ADAMTS3: variants seen among roughly 807,000 people sequenced by gnomAD.
The protein encoded by ADAMTS3 is A disintegrin and metalloproteinase with thrombospondin motifs 3.
Under a neutral mutation model 129.0 loss-of-function variants are expected in ADAMTS3, and 73 were observed. The ratio of observed to expected loss-of-function variants is 0.57; its 90% confidence interval spans 0.47 to 0.69. The LOEUF (loss-of-function observed/expected upper bound fraction) is 0.69. ADAMTS3 is among the 30% of genes least tolerant of loss of function. ADAMTS3 has a pLI of 0.00. For missense variants in ADAMTS3, 1,457 were observed against 1,514.5 expected (o/e 0.96, Z 0.63); for synonymous variants, 477 against 510.8 (o/e 0.93, Z 0.89).
intron 3 of ADAMTS3, among the ~76,000 whole-genome samples, chr4:72,431,457 C>T (rs1276161700): frequency 6.6e-6 from 1 of 151,934 alleles, no homozygotes; most frequent in African/African-American, 2.4e-5. Context: ...TGACATGATG[C>T]CACAAGTAAA....
intron 3 of ADAMTS3, among the ~76,000 whole-genome samples, chr4:72,417,932 C>CA (rs71215429): frequency 2.8e-4 from 34 of 120,290 alleles, no homozygotes; most frequent in South Asian, 8.4e-4. Context: ...GACTCCATCT[C>CA]AAAAAAAAAA....
rs537932546 is a variant in ADAMTS3, at chr4:72,305,623, ATG to A, written c.2260+362_2260+363del. On this transcript the variant is annotated intron_variant, in intron 16 of 21. Coordinates refer to ENST00000286657, the MANE Select transcript of ADAMTS3 (RefSeq NM_014243.3). ...ACAAAATTAAAGCTCTACTTTTTTT[ATG>A]TTTCTTGTTTTAAAGTAAGCATAGT... 1.1e-3 allele frequency among the ~76,000 whole-genome samples: 165 copies of A among 151,998 alleles called. 1 individual carries two copies. Among genetic ancestry groups the A allele is most frequent in the African/African-American group, 3.9e-3 (160 of 41,558 alleles).
chr4:72,384,679 T>C (rs1215449836), intron 4 of ADAMTS3, among the ~76,000 whole-genome samples: 3 of 152,158 alleles, frequency 2.0e-5, no homozygotes, highest in African/African-American at 7.2e-5. Flanking sequence ...AGAAAGTTAT[T>C]TGGGCTGAAG....
chr4:72,568,993 A>T lies in ADAMTS3; in HGVS notation c.-231T>A. ...TTCACCTTCTCACCCCGTCCTCCCAACACAGAGTGTGCAGGAGCGAGAAGG... is the reference window on the plus strand; with the variant it reads ...TTCACCTTCTCACCCCGTCCTCCCATCACAGAGTGTGCAGGAGCGAGAAGG... On this transcript the variant is annotated 5_prime_UTR_variant, in exon 1 of 22. In the 5' UTR this introduces an upstream ATG that the reference lacks. Transcript: ENST00000286657. 3.4e-6 allele frequency: 2 copies of T among 582,054 alleles called. No homozygotes were observed. The allele number at this position is 582,054 out of a possible 1,614,324, so 36.1% of individuals were successfully genotyped here.
chr4:72,333,015 A>T (rs948961318), intron 5 of ADAMTS3, among the ~76,000 whole-genome samples: 14 of 152,070 alleles, frequency 9.2e-5, no homozygotes, highest in African/African-American at 2.9e-4. Context: ...TCAGGTCCTG[A>T]CTCTGCCATA....
chr4:72,421,373 T>A (rs1034890835), intron 3 of ADAMTS3, among the ~76,000 whole-genome samples: 2 of 152,234 alleles, frequency 1.3e-5, no homozygotes, highest in Admixed American at 6.5e-5. Context: ...TTCACTGCTA[T>A]GTCATATCCC....
intron 3 of ADAMTS3, among the ~76,000 whole-genome samples, chr4:72,517,965 T>A (rs1036458886): frequency 2.6e-5 from 4 of 151,632 alleles, no homozygotes; most frequent in African/African-American, 7.3e-5. Context: ...CTTTCTCTTG[T>A]GGGCATTTAG....
chr4:72,288,432 TAAATA>T (rs1486072277), intron 21 of ADAMTS3, among the ~76,000 whole-genome samples: 1 of 152,190 alleles, frequency 6.6e-6, no homozygotes, highest in African/African-American at 2.4e-5. Flanking sequence ...AAGTTATAGT[TAAATA>T]TAACAAGGAA....
At chr4:72,517,886 A>C (rs1254778484) in intron 3 of ADAMTS3, among the ~76,000 whole-genome samples, 17 of 150,638 alleles carry the variant, frequency 1.1e-4, no homozygotes, top group African/African-American at 4.2e-4. Flanking sequence ...TAGCTTTTGA[A>C]TGTGTTTGCT....
intron 4 of ADAMTS3, among the ~76,000 whole-genome samples, chr4:72,407,306 T>C (rs1426014645): frequency 2.6e-5 from 4 of 152,146 alleles, no homozygotes; most frequent in Admixed American, 6.6e-5. Context: ...TTTCCATTAG[T>C]AGAAGACTCT....
chr4:72,543,446 A>G (rs943177649), intron 3 of ADAMTS3, among the ~76,000 whole-genome samples: 1 of 152,198 alleles, frequency 6.6e-6, no homozygotes, highest in Non-Finnish European at 1.5e-5. Context: ...CACAGTATCT[A>G]AAATGTGGAA....
chr4:72,530,655 TATATATTATATA>T (rs1393203752), intron 3 of ADAMTS3, among the ~76,000 whole-genome samples: 1 of 74,190 alleles, frequency 1.3e-5, no homozygotes, highest in Non-Finnish European at 2.3e-5. Flanking sequence ...TATAATATTA[TATATATTATATA>T]ATATATAATA....
At chr4:72,305,904 A>G in intron 16 of ADAMTS3, 83 bp downstream of exon 16, 1 of 1,142,790 alleles carries the variant, frequency 8.8e-7, no homozygotes, top group East Asian at 2.4e-5. Flanking sequence ...GTGTACATAT[A>G]TACATATCTA....
chr4:72,418,991 T>C (rs1722377380), intron 3 of ADAMTS3, among the ~76,000 whole-genome samples: 1 of 152,188 alleles, frequency 6.6e-6, no homozygotes, highest in South Asian at 2.1e-4. Flanking sequence ...ATGCCATTCA[T>C]TCTGCTTAAA....
In ADAMTS3 at chr4:72,295,843, T is replaced by C. The variant is rs564676824; in HGVS notation, c.2591-57A>G. 2.5e-5 allele frequency: 40 copies of C among 1,572,608 alleles called. No individual in the cohort carries two copies. The East Asian group carries it at 3.6e-4, about 14-fold the overall frequency. On this transcript the variant is annotated intron_variant, in intron 18 of 21. Coordinates refer to ENST00000286657, the MANE Select transcript of ADAMTS3 (RefSeq NM_014243.3). Reference sequence around the variant, plus strand: ...ATCACTTCTTCATGCTGATAGTTACTTGATTATTCACTTACTCATTCATAC... The same window carrying C: ...ATCACTTCTTCATGCTGATAGTTACCTGATTATTCACTTACTCATTCATAC...
chr4:72,526,433 A>G (rs1418934463), intron 3 of ADAMTS3, among the ~76,000 whole-genome samples: 1 of 151,946 alleles, frequency 6.6e-6, no homozygotes, highest in Non-Finnish European at 1.5e-5. Flanking sequence ...CCCATCTGGC[A>G]ATTTTTTTCA....
At chr4:72,537,659 G>C (rs576559498) in intron 3 of ADAMTS3, among the ~76,000 whole-genome samples, 22 of 152,196 alleles carry the variant, frequency 1.4e-4, no homozygotes, top group African/African-American at 4.8e-4. Context: ...TGAGGAATGG[G>C]AGGAAATCTG....
intron 2 of ADAMTS3, among the ~76,000 whole-genome samples, chr4:72,552,928 A>G (rs1721679359): frequency 6.6e-6 from 1 of 152,092 alleles, no homozygotes; most frequent in Admixed American, 6.6e-5. Context: ...ATATATTCTT[A>G]TATCTACCAG....
At chr4:72,467,622 C>T (rs1403933253) in intron 3 of ADAMTS3, among the ~76,000 whole-genome samples, 1 of 151,948 alleles carries the variant, frequency 6.6e-6, no homozygotes, top group African/African-American at 2.4e-5. Flanking sequence ...CTAAAATATG[C>T]TCCTTCCTCC....
Sources: allele counts gnomAD v4.1 joint callset (sites outside exome capture counted in the v4.1 genomes callset), GRCh38; gene constraint gnomAD v4.1.1; transcripts MANE v1.5; gene names NCBI Gene and HGNC (gene_info 2026-07-23, HGNC 2026-07-21).